The following PTPRH variants were observed in gnomAD, a reference collection of about 807,000 sequenced individuals.
The protein encoded by PTPRH is receptor-type tyrosine-protein phosphatase H.
PTPRH carries 113 observed loss-of-function variants against 130.2 expected under a neutral mutation model. The ratio of observed to expected loss-of-function variants is 0.87; its 90% CI spans 0.75 to 1.01. The LOEUF is 1.01. Among genes scored for constraint, PTPRH ranks in the 50% least tolerant of loss-of-function variants. PTPRH has a pLI of 0.00. For synonymous variants in PTPRH, 556 were observed against 577.9 expected (o/e 0.96, Z 0.54); for missense variants, 1,430 against 1,425.0 (o/e 1.00, Z -0.06).
At chr19:55,201,490 G>C (rs1305301960) in intron 6 of PTPRH, among the ~76,000 whole-genome samples, 1 of 152,264 alleles carries the variant, frequency 6.6e-6, no homozygotes, top group Non-Finnish European at 1.5e-5. Flanking sequence ...AGGGGGGACT[G>C]GGAGCCCCTC....
Position 55,203,831 on chromosome 19 carries a change from C to T in PTPRH, c.837G>A (p.Val279=). 6.2e-7 allele frequency: 1 copy of T among 1,613,846 alleles called. No individual in the cohort carries two copies. Among genetic ancestry groups the T allele is most frequent in the African/African-American group, 1.3e-5 (1 of 75,032 alleles). ...CAGAGCTATTTACTCCGTCTTTCTC[C>T]ACCCACACAGAACACGTATACAATG... ...PGSLYTCSVW[V]EKDGVNSSVE... is the part of the protein sequence containing the mutation. Residue 279 remains valine, a synonymous_variant, in exon 5 of 20, where the codon GTG becomes GTA. Coordinates refer to ENST00000376350, the MANE Select transcript of PTPRH (RefSeq NM_002842.5).
At chr19:55,203,354 G>T (rs1912412459) in intron 5 of PTPRH, among the ~76,000 whole-genome samples, 1 of 149,098 alleles carries the variant, frequency 6.7e-6, no homozygotes, top group Non-Finnish European at 1.5e-5. Flanking sequence ...AATTGTATCT[G>T]ATGGGCTACA....
At chr19:55,188,258 A>G (rs2086424602) in intron 12 of PTPRH, 90 bp from the exon 13 acceptor site, 1 of 1,054,758 alleles carries the variant, frequency 9.5e-7, no homozygotes, top group African/African-American at 1.6e-5. Flanking sequence ...CACGCCTGTA[A>G]TCCCAGCACT....
chr19:55,185,359 G>C, intron 18 of PTPRH, 143 bp downstream of exon 18: 3 of 854,824 alleles, frequency 3.5e-6, no homozygotes, highest in Non-Finnish European at 5.3e-6. Flanking sequence ...TCTGCTTCAC[G>C]CCCCCCTTTA....
At position 55,204,028 on chromosome 19, in the gene PTPRH, G is replaced by A. The variant is rs751635004; in HGVS notation, c.640C>T (p.Leu214=). 1.8e-5 allele frequency: 29 copies of A among 1,613,772 alleles called. No homozygotes were observed. In the South Asian group the frequency reaches 2.6e-4, roughly 15 times the overall value. The change falls in exon 5 of 20, where the codon CTG becomes TTG. Residue 214 remains leucine, a synonymous_variant. Coordinates refer to ENST00000376350, the MANE Select transcript of PTPRH (RefSeq NM_002842.5). ...CTGGTGGTCTGAGCCTCCACTCTCA[G>A]GTTCCTCACTGGGTTGTGAGCTGAG... ...ATTAHNPVRN[L]RVEAQTTSSI... is the part of the protein sequence containing the mutation.
intron 13 of PTPRH, 82 bp downstream of exon 13, chr19:55,187,996 G>T: frequency 3.7e-6 from 3 of 814,142 alleles, no homozygotes; most frequent in Admixed American, 4.0e-5. Flanking sequence ...CCCGAAAGCC[G>T]TGAGGTCTGG....
rs528982477 is a variant in PTPRH at position 55,196,583 on chromosome 19, C to T, written c.2196G>A (p.Thr732=). ...GPARSYPATI[T]TIWDGMKVVS... ...CGACCTTCATTCCGTCCCAGATGGT[C>T]GTGATGGTGGCTGGGTAGGACCGAG... The change falls in exon 10 of 20, where the codon ACG becomes ACA. Residue 732 remains threonine, a synonymous_variant. Coordinates refer to ENST00000376350, the MANE Select transcript of PTPRH (RefSeq NM_002842.5). 2.8e-5 allele frequency: 45 copies of T among 1,613,798 alleles called. No individual in the cohort carries two copies. The African/African-American group carries it at 4.5e-4, about 16-fold the overall frequency.
intron 7 of PTPRH, 24 bp downstream of exon 7, chr19:55,200,212 G>A: frequency 1.2e-6 from 2 of 1,612,048 alleles, no homozygotes; most frequent in East Asian, 2.2e-5. Flanking sequence ...ACCAAAACAG[G>A]GAGTGGCCGT....
rs200496759 is a variant in PTPRH, at chr19:55,196,478, C to T, written c.2257+44G>A. 52 of 1,581,100 alleles carry T rather than the reference C, an allele frequency of 3.3e-5. No individual in the cohort carries two copies. The East Asian group carries it at 5.4e-4, about 16-fold the overall frequency. ...CACAATGGGGCCTGATGGGGTCTACCGAGAATTTCATCATAGCTGGCTGGC... is the reference window on the plus strand; with the variant it reads ...CACAATGGGGCCTGATGGGGTCTACTGAGAATTTCATCATAGCTGGCTGGC... On this transcript the variant is annotated intron_variant, in intron 10 of 19. Coordinates refer to ENST00000376350, the MANE Select transcript of PTPRH (RefSeq NM_002842.5).
intron 16 of PTPRH, 60 bp downstream of exon 16, chr19:55,186,165 G>T: frequency 1.9e-6 from 3 of 1,578,268 alleles, no homozygotes; most frequent in Admixed American, 1.7e-5. Context: ...GGTCTACATT[G>T]GATGAGTGTT....
rs774396314 is a variant in PTPRH at position 55,196,773 on chromosome 19, G to T, written c.2006C>A (p.Thr669Asn). The T allele has an allele frequency of 6.2e-6, 10 of 1,613,578 alleles. No homozygotes were observed. Among genetic ancestry groups the T allele is most frequent in the African/African-American group, 1.3e-5 (1 of 74,914 alleles). ...TGAGGTGCTGACACAGGAAGTGATG[G>T]TGACTGTGTCTGGGTCTGGGTGAAG... ...LCASTYPDTV[T>N]ITSCVSTSAG... is the part of the protein sequence containing the mutation. The change falls in exon 10 of 20, where the codon ACC becomes AAC. Residue 669 changes from threonine to asparagine, a missense_variant. Thr to Asn is a moderately conservative substitution (Grantham distance 65). Transcript: ENST00000376350.
chr19:55,186,346 G>A lies in PTPRH; in HGVS notation c.2657C>T (p.Pro886Leu), dbSNP rs2086325041. Residue 886 changes from proline (P) to leucine (L), a missense_variant, in exon 16 of 20, where the codon CCC (proline) becomes CTC (leucine). Pro to Leu is a moderately conservative substitution (Grantham distance 98). Transcript: ENST00000376350. ...ACCCTGGGTTGCAATGAACTCCTGGGGGCTCCAGAGACCCTGGTTGAGGAA... is the reference window on the plus strand; with the variant it reads ...ACCCTGGGTTGCAATGAACTCCTGGAGGCTCCAGAGACCCTGGTTGAGGAA... ...NASFMPGLWS[P>L]QEFIATQGPL... 1 of 1,613,846 alleles carries A rather than the reference G, an allele frequency of 6.2e-7. No homozygotes were observed. Among genetic ancestry groups the A allele is most frequent in the Non-Finnish European group, 8.5e-7 (1 of 1,179,882 alleles).
At chr19:55,183,696 C>T (rs1198467389) in intron 18 of PTPRH, among the ~76,000 whole-genome samples, 1 of 152,108 alleles carries the variant, frequency 6.6e-6, no homozygotes, top group Non-Finnish European at 1.5e-5. Flanking sequence ...TGCACTCCAG[C>T]CTGGGTGACA....
rs558110066 is a variant in PTPRH, at chr19:55,185,635, G to A, written c.2929C>T (p.Arg977Cys). 33 of 1,614,124 alleles carry A rather than the reference G, an allele frequency of 2.0e-5. No homozygotes were observed. The highest frequency in any genetic ancestry group is 1.7e-4 in the Middle Eastern group (1 of 6,060). The change falls in exon 18 of 20, where the codon CGC becomes TGC. Residue 977 changes from arginine (R) to cysteine (C), a missense_variant. Physicochemically the swap from Arg to Cys is radical, Grantham distance 180 (BLOSUM62 -3). Coordinates refer to ENST00000376350, the MANE Select transcript of PTPRH (RefSeq NM_002842.5). The stretch of plus-strand genomic sequence containing the variant: ...GGCCAGGCCTGGTAGTGGAATTGGC[G>A]CACAGACAGTGTCTTCTGCTCCTCC... ...QVEEQKTLSVRQFHYQAWPDH... is the reference protein window; with the variant it reads ...QVEEQKTLSVCQFHYQAWPDH...
In PTPRH at chr19:55,197,266, G is replaced by T. The variant is rs1196526613; in HGVS notation, c.1841C>A (p.Pro614His). The change falls in exon 9 of 20, where the codon CCC becomes CAC. Residue 614 changes from proline (P) to histidine (H), a missense_variant. Coordinates refer to ENST00000376350, the MANE Select transcript of PTPRH (RefSeq NM_002842.5). ...SKGHPRRGQD[P>H]QANWVNQTSR... ...GGTCTGGTTGACCCAATTCGCTTGG[G>T]GATCTTGCCCCCTCCGGGGATGTCC... The T allele has an allele frequency of 6.2e-7, 1 of 1,614,262 alleles. No individual in the cohort carries two copies. The highest frequency in any genetic ancestry group is 1.3e-5 in the African/African-American group (1 of 75,066).
chr19:55,187,632 G>T (rs748631777), intron 13 of PTPRH, 29 bp from the exon 14 acceptor site: 1 of 1,545,562 alleles, frequency 6.5e-7, no homozygotes, highest in Non-Finnish European at 8.9e-7. Flanking sequence ...GGGGTACCTG[G>T]TGTTGGATTT....
At chr19:55,193,807 G>A (rs542673070) in intron 10 of PTPRH, among the ~76,000 whole-genome samples, 1 of 151,872 alleles carries the variant, frequency 6.6e-6, no homozygotes, top group Admixed American at 6.6e-5. Context: ...AGGACTCCCC[G>A]GCAGCGGAGC....
intron 7 of PTPRH, among the ~76,000 whole-genome samples, chr19:55,199,199 A>G (rs1352273873): frequency 1.3e-5 from 2 of 152,152 alleles, no homozygotes; most frequent in Non-Finnish European, 2.9e-5. Flanking sequence ...CCCAGCTACT[A>G]GGGAGGCTGA....
At chr19:55,196,819 C>G in intron 9 of PTPRH, 31 bp from the exon 10 acceptor site, 4 of 1,599,036 alleles carry the variant, frequency 2.5e-6, no homozygotes, top group Non-Finnish European at 3.4e-6. Context: ...GTCAGCAGTG[C>G]CATCCAAGGT....
Sources: allele counts gnomAD v4.1 joint callset (sites outside exome capture counted in the v4.1 genomes callset), GRCh38; gene constraint gnomAD v4.1.1; transcripts MANE v1.5; gene names NCBI Gene and HGNC (gene_info 2026-07-23, HGNC 2026-07-21).